Variants in HK2 observed in about 807,000 individuals in gnomAD.
The protein encoded by HK2 is hexokinase-2.
HK2 carries 42 observed loss-of-function variants against 92.9 expected under a neutral mutation model. That is an observed-to-expected ratio of 0.45 (90% CI 0.35 to 0.58). The LOEUF is 0.58. HK2 is among the 20% of genes least tolerant of loss of function. HK2 has a pLI of 0.00. For missense variants in HK2, 978 were observed against 1,245.1 expected (o/e 0.79, Z 3.23); for synonymous variants, 422 against 468.0 (o/e 0.90, Z 1.27).
intron 1 of HK2, among the ~76,000 whole-genome samples, chr2:74,840,676 G>T (rs929894327): frequency 1.4e-5 from 2 of 147,576 alleles, no homozygotes; most frequent in African/African-American, 2.5e-5. Flanking sequence ...GACCATCCTG[G>T]CTAACACGGT....
intron 9 of HK2, among the ~76,000 whole-genome samples, chr2:74,879,860 G>A (rs1483837947): frequency 6.6e-6 from 1 of 152,206 alleles, no homozygotes; most frequent in Non-Finnish European, 1.5e-5. Context: ...CTAGTGAAAT[G>A]AGTGATAGAA....
rs1411598865 is a variant in HK2 at position 74,882,183 on chromosome 2, T to G, written c.1783T>G (p.Ser595Ala). The G allele has an allele frequency of 1.9e-6, 3 of 1,614,144 alleles. No individual in the cohort carries two copies. The highest frequency in any genetic ancestry group is 3.3e-4 in the Middle Eastern group (2 of 6,062). The change falls in exon 12 of 18, where the codon TCC becomes GCC. Residue 595 changes from serine (S) to alanine (A), a missense_variant. By Grantham distance (99) the Ser-to-Ala change is moderately conservative (BLOSUM62 1). Coordinates refer to ENST00000290573, the MANE Select transcript of HK2 (RefSeq NM_000189.5). ...CGAGTACATGGGCATGAAGGGCGTGTCCCTGCCTCTGGGTTTTACCTTCTC... is the reference window on the plus strand; with the variant it reads ...CGAGTACATGGGCATGAAGGGCGTGGCCCTGCCTCTGGGTTTTACCTTCTC... Reference protein sequence around the residue: ...FLEYMGMKGVSLPLGFTFSFP... With the variant: ...FLEYMGMKGVALPLGFTFSFP...
Position 74,867,674 on chromosome 2 carries a change from A to G in HK2, c.265A>G (p.Asn89Asp). The change falls in exon 3 of 18, where the codon AAC becomes GAC. Residue 89 changes from asparagine to aspartate, a missense_variant. This residue lies in a region of HK2 where 189 missense variants were observed against 289.5 expected (regional missense o/e 0.65). Coordinates refer to ENST00000290573, the MANE Select transcript of HK2 (RefSeq NM_000189.5). ...EFLALDLGGT[N>D]FRVLWVKVTD... is the part of the protein sequence containing the mutation. ...CCTGGCTCTGGATCTTGGAGGGACC[A>G]ACTTCCGTGTGCTTTGGGTGAAAGT... 1 of 1,613,964 alleles carries G rather than the reference A, an allele frequency of 6.2e-7. No homozygotes were observed. Among genetic ancestry groups the G allele is most frequent in the Non-Finnish European group, 8.5e-7 (1 of 1,180,002 alleles).
At position 74,886,230 on chromosome 2, in the gene HK2, A is replaced by G. The variant is rs986028299; in HGVS notation, c.1936-64A>G. The G allele has an allele frequency of 2.1e-5, 24 of 1,126,138 alleles. No individual in the cohort carries two copies. In the Admixed American group the frequency reaches 2.5e-4, roughly 12 times the overall value. 69.8% of individuals were successfully genotyped at this position (1,126,138 alleles called of 1,614,324 possible). Reference sequence around the variant, plus strand: ...TTATATACCTGTAAATCTCCCATGCAATTGTCTGAAAGGAGAATATTGGGG... The same window carrying G: ...TTATATACCTGTAAATCTCCCATGCGATTGTCTGAAAGGAGAATATTGGGG... On this transcript the variant is annotated intron_variant, in intron 13 of 17. Coordinates refer to ENST00000290573, the MANE Select transcript of HK2 (RefSeq NM_000189.5).
chr2:74,866,083 A>G (rs1688941268), intron 2 of HK2, among the ~76,000 whole-genome samples: 1 of 151,850 alleles, frequency 6.6e-6, no homozygotes, highest in South Asian at 2.1e-4. Flanking sequence ...CGCCTGACAC[A>G]CTTCTGGTTG....
At chr2:74,843,918 G>T (rs1688374737) in intron 1 of HK2, among the ~76,000 whole-genome samples, 1 of 152,180 alleles carries the variant, frequency 6.6e-6, no homozygotes, top group African/African-American at 2.4e-5. Flanking sequence ...AGCTCTGTGT[G>T]TAGTAACTCA....
At chr2:74,835,530 C>G (rs1688141303) in intron 1 of HK2, among the ~76,000 whole-genome samples, 1 of 151,882 alleles carries the variant, frequency 6.6e-6, no homozygotes, top group African/African-American at 2.4e-5. Context: ...GAGCGCTCAC[C>G]GCGGCCGGGT....
At position 74,881,869 on chromosome 2, in the gene HK2, G is replaced by C. The variant is rs367629452; in HGVS notation, c.1719+10G>C. On this transcript the variant is annotated intron_variant, in intron 11 of 17. Coordinates refer to ENST00000290573, the MANE Select transcript of HK2 (RefSeq NM_000189.5). ...CGGCACCGGGGACGAGGTGAGCAGG[G>C]CGGCGCCTTCAGGAGGGGGCCCCTG... 6.2e-7 allele frequency: 1 copy of C among 1,613,822 alleles called. No homozygotes were observed. Among genetic ancestry groups the C allele is most frequent in the African/African-American group, 1.3e-5 (1 of 74,946 alleles).
intron 12 of HK2, among the ~76,000 whole-genome samples, chr2:74,884,504 G>A (rs746821272): frequency 6.6e-6 from 1 of 152,236 alleles, no homozygotes; most frequent in Non-Finnish European, 1.5e-5. Context: ...CTTGTAGAGA[G>A]CTGGGTGGAG....
intron 2 of HK2, among the ~76,000 whole-genome samples, chr2:74,863,716 A>G (rs1573372185): frequency 6.6e-6 from 1 of 152,110 alleles, no homozygotes; most frequent in South Asian, 2.1e-4. Context: ...AAACTAAAGG[A>G]AAAAAACAAG....
intron 2 of HK2, among the ~76,000 whole-genome samples, chr2:74,857,311 A>G (rs1231591050): frequency 6.6e-6 from 1 of 152,186 alleles, no homozygotes; most frequent in Non-Finnish European, 1.5e-5. Context: ...TCACACAAAC[A>G]CTTCTGAGAT....
At chr2:74,871,170 C>G (rs1253666765) in intron 3 of HK2, among the ~76,000 whole-genome samples, 1 of 152,170 alleles carries the variant, frequency 6.6e-6, no homozygotes, top group Non-Finnish European at 1.5e-5. Context: ...CTGCTATAGT[C>G]GGTCTGTGGG....
At chr2:74,859,814 C>A (rs1442931851) in intron 2 of HK2, among the ~76,000 whole-genome samples, 1 of 152,146 alleles carries the variant, frequency 6.6e-6, no homozygotes, top group African/African-American at 2.4e-5. Context: ...CCAGCAATCT[C>A]ACTATTGAGT....
At position 74,834,900 on chromosome 2, in the gene HK2, G is replaced by C. The variant is rs867063927; in HGVS notation, c.63+257G>C. 1.3e-4 allele frequency among the ~76,000 whole-genome samples: 20 copies of C among 152,210 alleles called. No individual in the cohort carries two copies. The highest frequency in any genetic ancestry group is 4.8e-4 in the African/African-American group (20 of 41,464). The stretch of plus-strand genomic sequence containing the variant: ...TCCCTGAGCTCCGGCACGCGCTCAC[G>C]CTCTCTCCCCCAGTCCCTTTTTCCC... On this transcript the variant is annotated intron_variant, in intron 1 of 17. Coordinates refer to ENST00000290573, the MANE Select transcript of HK2 (RefSeq NM_000189.5). The surrounding 1 kb of genome is among the most constrained non-coding windows in gnomAD (Gnocchi z 4.2).
chr2:74,873,464 A>C (rs1689148944), intron 5 of HK2, 93 bp downstream of exon 5: 2 of 833,904 alleles, frequency 2.4e-6, no homozygotes, highest in Non-Finnish European at 4.1e-6. Context: ...TTGTTTGCTT[A>C]CGTGGAGCTT....
In HK2 at chr2:74,878,843, G is replaced by T. The variant is rs575135251; in HGVS notation, c.1187G>T (p.Arg396Leu). The T allele has an allele frequency of 1.9e-6, 3 of 1,555,302 alleles. No individual in the cohort carries two copies. The highest frequency in any genetic ancestry group is 2.4e-5 in the South Asian group (2 of 84,442). ...GCCACCCTGGCCGCCGTGCTGCAGC[G>T]CATCAAGGAGAACAAAGGCGAGGAG... is the stretch of plus-strand genomic sequence containing the variant. The part of the protein sequence containing the change: ...CAATLAAVLQ[R>L]IKENKGEERL... Residue 396 changes from arginine to leucine, a missense_variant, in exon 9 of 18, where the codon CGC becomes CTC. Physicochemically the swap from Arg to Leu is moderately radical, Grantham distance 102. Around this residue, in one of 3 missense-constraint regions of HK2, gnomAD observed 742 missense variants for 922.5 expected, o/e 0.80. Transcript: ENST00000290573.
At chr2:74,846,643 T>C (rs942626759) in intron 1 of HK2, among the ~76,000 whole-genome samples, 8 of 152,218 alleles carry the variant, frequency 5.3e-5, no homozygotes, top group Middle Eastern at 3.2e-3. Context: ...ATACTATCTC[T>C]TGCACCACTC....
At chr2:74,863,508 G>C (rs891256322) in intron 2 of HK2, among the ~76,000 whole-genome samples, 4 of 152,092 alleles carry the variant, frequency 2.6e-5, no homozygotes, top group Non-Finnish European at 5.9e-5. Flanking sequence ...TGGAATCCTG[G>C]GGTTTAAAAA....
chr2:74,845,280 C>T (rs1057199674), intron 1 of HK2, among the ~76,000 whole-genome samples: 16 of 152,234 alleles, frequency 1.1e-4, no homozygotes, highest in African/African-American at 3.4e-4. Flanking sequence ...TCTCCTTTAT[C>T]CCAGTATCCT....
Sources: gnomAD v4.1 joint callset for allele counts (sites outside exome capture counted in the v4.1 genomes callset) on GRCh38, gnomAD v4.1.1 for gene constraint, gnomAD v4.1.1 regional missense constraint, Gnocchi (gnomAD v3.1) non-coding constraint, MANE v1.5 for transcripts, NCBI Gene and HGNC (gene_info 2026-07-23, HGNC 2026-07-21) for gene names.